The following RAD51B variants were observed in gnomAD, a reference collection of about 807,000 sequenced individuals.
RAD51B encodes the protein DNA repair protein RAD51 homolog 2.
A neutral mutation model predicts 42.2 loss-of-function variants in RAD51B; 38 were observed. That is an observed-to-expected ratio of 0.90 (90% confidence interval 0.70 to 1.18). RAD51B has a LOEUF of 1.18. Ranked by LOEUF, RAD51B falls within the 50% of genes most tolerant of loss-of-function variation. The pLI, the probability that RAD51B is intolerant of heterozygous loss-of-function variation, is 0.00. For missense variants in RAD51B, 373 were observed against 400.7 expected (o/e 0.93, Z 0.59); for synonymous variants, 154 against 145.2 (o/e 1.06, Z -0.43).
chr14:68,072,070 A>ATAATT (rs1440869222), intron 7 of RAD51B, among the ~76,000 whole-genome samples: 3 of 104,696 alleles, frequency 2.9e-5, no homozygotes, highest in African/African-American at 1.5e-4. Context: ...TATTTATATA[A>ATAATT]ATATATAAAT....
At chr14:68,289,094 T>G (rs2139652494) in intron 7 of RAD51B, among the ~76,000 whole-genome samples, 1 of 152,206 alleles carries the variant, frequency 6.6e-6, no homozygotes, top group East Asian at 1.9e-4. Flanking sequence ...GGTACCAAAG[T>G]ATATCCTGAT....
At chr14:67,921,016 C>T (rs1329081272) in intron 7 of RAD51B, among the ~76,000 whole-genome samples, 1 of 152,146 alleles carries the variant, frequency 6.6e-6, no homozygotes, top group Non-Finnish European at 1.5e-5. Context: ...CATTGAGAAC[C>T]ATCTCATAGA....
intron 10 of RAD51B, among the ~76,000 whole-genome samples, chr14:68,605,582 G>A (rs1469364982): frequency 6.8e-6 from 1 of 146,460 alleles, no homozygotes; most frequent in Non-Finnish European, 1.5e-5. Context: ...TCTAGCCCCT[G>A]GTGTGCTTGG....
chr14:67,990,707 AGTTT>A (rs1312936908), intron 7 of RAD51B, among the ~76,000 whole-genome samples: 1 of 152,154 alleles, frequency 6.6e-6, no homozygotes, highest in Non-Finnish European at 1.5e-5. Flanking sequence ...CTTTGATTTG[AGTTT>A]GTTTACTAAA....
intron 10 of RAD51B, among the ~76,000 whole-genome samples, chr14:68,629,148 G>C (rs1020378426): frequency 2.0e-5 from 3 of 152,102 alleles, no homozygotes; most frequent in African/African-American, 7.2e-5. Flanking sequence ...ACCATTCTTG[G>C]TTTTGTCCCT....
chr14:67,994,165 T>A (rs574927987), intron 7 of RAD51B, among the ~76,000 whole-genome samples: 1 of 152,218 alleles, frequency 6.6e-6, no homozygotes, highest in East Asian at 1.9e-4. Context: ...TCCATATTGC[T>A]TTTTGAAAGG....
chr14:68,650,896 G>A (rs1892686687), intron 11 of RAD51B: 1 of 722,692 alleles, frequency 1.4e-6, no homozygotes, highest in East Asian at 2.5e-5. Context: ...ACAGGGAAAA[G>A]TAACCACTAC....
chr14:68,682,941 G>T lies in RAD51B; in HGVS notation c.*11+32085G>T, dbSNP rs1159240971. 177 of 861,526 alleles carry T rather than the reference G, an allele frequency of 2.1e-4. No individual in the cohort carries two copies. Among genetic ancestry groups the T allele is most frequent in the Non-Finnish European group, 2.2e-4 (162 of 739,790 alleles). The allele number at this position is 861,526 out of a possible 1,614,324, so 53.4% of individuals were successfully genotyped here. On this transcript the variant is annotated intron_variant, in intron 11 of 11. Transcript: ENST00000488612. The stretch of plus-strand genomic sequence containing the variant: ...TTTTTTTTTTTTTTTGTATAGGGCA[G>T]TAAACAAGAGCTCTGAAAGGGGAAG...
At chr14:68,254,666 CTA>C (rs1381723351) in intron 7 of RAD51B, among the ~76,000 whole-genome samples, 1 of 152,150 alleles carries the variant, frequency 6.6e-6, no homozygotes, top group African/African-American at 2.4e-5. Context: ...ATTTTGGAAA[CTA>C]TATTTCTATA....
chr14:68,309,804 A>G (rs2081933966), intron 8 of RAD51B, among the ~76,000 whole-genome samples: 2 of 152,216 alleles, frequency 1.3e-5, no homozygotes, highest in South Asian at 4.1e-4. Context: ...GAACCGCCAC[A>G]GAGCCGCTGG....
intron 7 of RAD51B, among the ~76,000 whole-genome samples, chr14:67,906,684 G>T (rs1363153216): frequency 6.6e-6 from 1 of 152,060 alleles, no homozygotes; most frequent in African/African-American, 2.4e-5. Flanking sequence ...TGCACATAGT[G>T]ATATTTGTAA....
intron 5 of RAD51B, among the ~76,000 whole-genome samples, chr14:67,879,402 C>T (rs2042833980): frequency 6.6e-6 from 1 of 151,884 alleles, no homozygotes; most frequent in Non-Finnish European, 1.5e-5. Context: ...GTGGACTAGC[C>T]AAGTTGACAC....
At chr14:68,480,906 T>C (rs1472796082), downstream of RAD51B, among the ~76,000 whole-genome samples, 1 of 152,224 alleles carries the variant, frequency 6.6e-6, no homozygotes, top group Admixed American at 6.5e-5. Flanking sequence ...TTGCACCCTA[T>C]TTCCAGCTAT....
chr14:68,294,253 C>T (rs910941161), intron 8 of RAD51B, among the ~76,000 whole-genome samples: 5 of 151,804 alleles, frequency 3.3e-5, no homozygotes, highest in Non-Finnish European at 7.4e-5. Flanking sequence ...ACCAGGTTAT[C>T]CTCCCAGAAA....
chr14:68,067,477 C>CAACA (rs1275251753), intron 7 of RAD51B, among the ~76,000 whole-genome samples: 1 of 101,798 alleles, frequency 9.8e-6, no homozygotes, highest in African/African-American at 3.5e-5. Flanking sequence ...AAAAAAAAAA[C>CAACA]AAAAAAAAAA....
intron 7 of RAD51B, among the ~76,000 whole-genome samples, chr14:68,005,848 G>C (rs2075581210): frequency 6.6e-6 from 1 of 152,130 alleles, no homozygotes; most frequent in African/African-American, 2.4e-5. Context: ...AAGCATAACG[G>C]CTTCTGGGGA....
At chr14:68,004,106 G>A (rs978901787) in intron 7 of RAD51B, among the ~76,000 whole-genome samples, 7 of 151,820 alleles carry the variant, frequency 4.6e-5, no homozygotes, top group African/African-American at 1.5e-4. Context: ...CGAGGTGGGC[G>A]GATCACAAGG....
At chr14:68,030,251 C>G (rs2076020583) in intron 7 of RAD51B, among the ~76,000 whole-genome samples, 1 of 152,226 alleles carries the variant, frequency 6.6e-6, no homozygotes, top group Non-Finnish European at 1.5e-5. Context: ...TAGCCAGGCA[C>G]TGACTTTTCC....
chr14:68,023,117 T>A (rs2075894866), intron 7 of RAD51B, among the ~76,000 whole-genome samples: 2 of 152,226 alleles, frequency 1.3e-5, no homozygotes, highest in Non-Finnish European at 2.9e-5. Context: ...GCAGTGAACA[T>A]ACATGTGCAT....
Sources: allele counts gnomAD v4.1 joint callset (sites outside exome capture counted in the v4.1 genomes callset), GRCh38; gene constraint gnomAD v4.1.1; transcripts MANE v1.5; gene names NCBI Gene and HGNC (gene_info 2026-07-23, HGNC 2026-07-21).